L1TD1: variants seen among roughly 807,000 people sequenced by gnomAD.
The protein encoded by L1TD1 is LINE1 type transposase domain containing 1.
Under a neutral mutation model 25.7 loss-of-function variants are expected in L1TD1, and 26 were observed. The observed-to-expected ratio is 1.01, with a 90% CI of 0.74 to 1.40. The LOEUF is 1.40. Among genes scored for constraint, L1TD1 ranks in the 40% most tolerant of loss-of-function variants. L1TD1 has a pLI of 0.00. For missense variants in L1TD1, 1,130 were observed against 975.0 expected (o/e 1.16, Z -2.12); for synonymous variants, 421 against 335.6 (o/e 1.25, Z -2.78).
In L1TD1 at chr1:62,205,437, A is replaced by ATT. The variant is rs1169759217; in HGVS notation, c.-110-1081_-110-1080insTT. On this transcript the variant is annotated intron_variant, in intron 2 of 3. Coordinates refer to ENST00000498273, the MANE Select transcript of L1TD1 (RefSeq NM_019079.5). ...TCTCTCTATATATATATATATATATATATATATTTTTTTTTAGACAGTCTT... is the reference window on the plus strand; with the variant it reads ...TCTCTCTATATATATATATATATATATTTATATATTTTTTTTTAGACAGTCTT... Among the ~76,000 whole-genome samples the ATT allele has an allele frequency of 4.9e-4, 21 of 42,462 alleles. 2 individuals are homozygous for ATT. Among genetic ancestry groups the ATT allele is most frequent in the African/African-American group, 1.9e-3 (21 of 10,820 alleles). 27.9% of individuals were successfully genotyped at this position (42,462 alleles called of 152,430 possible).
At chr1:62,197,402 T>TATATATATATATATAG (rs1670564262) in intron 2 of L1TD1, among the ~76,000 whole-genome samples, 1 of 12,166 alleles carries the variant, frequency 8.2e-5, no homozygotes, top group Non-Finnish European at 1.8e-4. Context: ...ATAAATTATA[T>TATATATATATATATAG]ATATATATAT....
Position 62,211,016 on chromosome 1 carries a change from A to G in L1TD1, c.2242A>G (p.Ser748Gly), listed in dbSNP as rs143392275. 244 of 1,546,722 alleles carry G rather than the reference A, an allele frequency of 1.6e-4. No homozygotes were observed. The African/African-American group carries it at 2.9e-3, about 18-fold the overall frequency. ...LEIVSACRVPSKIDEKRLTPR... is the reference protein window; with the variant it reads ...LEIVSACRVPGKIDEKRLTPR... Reference sequence around the variant, plus strand: ...GATTGTCAGTGCTTGTCGAGTACCTAGTAAAATTGATGAAAAGAGACTGAC... The same window carrying G: ...GATTGTCAGTGCTTGTCGAGTACCTGGTAAAATTGATGAAAAGAGACTGAC... Residue 748 changes from serine (S) to glycine (G), a missense_variant, in exon 4 of 4, where the codon AGT becomes GGT. Physicochemically the swap from Ser to Gly is moderately conservative, Grantham distance 56. Transcript: ENST00000498273.
intron 2 of L1TD1, among the ~76,000 whole-genome samples, chr1:62,204,310 T>C (rs1351964007): frequency 1.3e-5 from 2 of 152,180 alleles, no homozygotes; most frequent in African/African-American, 4.8e-5. Flanking sequence ...TTATTCTTTC[T>C]AGAAAATTCT....
Position 62,212,082 on chromosome 1 carries a change from G to C in L1TD1, c.*710G>C, listed in dbSNP as rs1031333307. 7 of 152,202 alleles carry C rather than the reference G, an allele frequency of 4.6e-5. No individual in the cohort carries two copies. Among genetic ancestry groups the C allele is most frequent in the Admixed American group, 2.0e-4 (3 of 15,256 alleles). 9.4% of individuals were successfully genotyped at this position (152,202 alleles called of 1,614,324 possible). A position where few individuals can be genotyped will look rare whatever the true frequency, so the allele number is the denominator to read the frequency against. On this transcript the variant is annotated 3_prime_UTR_variant, in exon 4 of 4. Coordinates refer to ENST00000498273, the MANE Select transcript of L1TD1 (RefSeq NM_019079.5). ...AGGAAAACAGGAGGGGACAGTAACAGAAAAGCACGGGAAAAGATGGCAAGG... is the reference window on the plus strand; with the variant it reads ...AGGAAAACAGGAGGGGACAGTAACACAAAAGCACGGGAAAAGATGGCAAGG...
intron 3 of L1TD1, chr1:62,208,266 C>T (rs554862529): frequency 4.2e-4 from 65 of 152,970 alleles, no homozygotes; most frequent in Non-Finnish European, 7.5e-4. Flanking sequence ...CCTTGAACAA[C>T]TCCGTGGTGT....
chr1:62,207,231 G>C lies in L1TD1; in HGVS notation c.603G>C (p.Lys201Asn). ...AATTTACAGAAAGAGAGAGTAGGAA[G>C]GATGGAGAGGATGAATTTGTCAAAG... is the stretch of plus-strand genomic sequence containing the variant. ...HLEFTERESR[K>N]DGEDEFVKEM... The change falls in exon 3 of 4, where the codon AAG becomes AAC. Residue 201 changes from lysine to asparagine, a missense_variant. Transcript: ENST00000498273. 2 of 1,551,546 alleles carry C rather than the reference G, an allele frequency of 1.3e-6. No individual in the cohort carries two copies. The highest frequency in any genetic ancestry group is 1.7e-6 in the Non-Finnish European group (2 of 1,146,976).
chr1:62,196,070 G>A (rs1348350289), intron 1 of L1TD1, among the ~76,000 whole-genome samples: 8 of 151,990 alleles, frequency 5.3e-5, no homozygotes, highest in Non-Finnish European at 8.8e-5. Context: ...TATGTGACTG[G>A]AAAAATTGAT....
intron 2 of L1TD1, among the ~76,000 whole-genome samples, chr1:62,201,936 A>C (rs1374450398): frequency 6.6e-6 from 1 of 152,060 alleles, no homozygotes; most frequent in African/African-American, 2.4e-5. Flanking sequence ...CCGGTGGACT[A>C]TTTGGTTGCT....
At chr1:62,207,901 G>C (rs892268403) in intron 3 of L1TD1, among the ~76,000 whole-genome samples, 3 of 152,090 alleles carry the variant, frequency 2.0e-5, no homozygotes, top group East Asian at 3.9e-4. Flanking sequence ...CAGTAGAGAC[G>C]GGGTTTCTCC....
chr1:62,210,493 A>G lies in L1TD1; in HGVS notation c.1719A>G (p.Ser573=), dbSNP rs559373020. 465 of 1,614,088 alleles carry G rather than the reference A, an allele frequency of 2.9e-4. 6 individuals are homozygous for G. The South Asian group carries it at 4.8e-3, about 17-fold the overall frequency. The change falls in exon 4 of 4, where the codon TCA becomes TCG. Residue 573 remains serine, a synonymous_variant. Coordinates refer to ENST00000498273, the MANE Select transcript of L1TD1 (RefSeq NM_019079.5). ...GTCATGATGAGCATAAAAAGCATTC[A>G]CATACAAATTTGAGTATTTCAACAG... The part of the protein sequence containing the change: ...EMSHDEHKKH[S]HTNLSISTGV...
At position 62,207,625 on chromosome 1, in the gene L1TD1, C is replaced by A. The variant is rs1557445543; in HGVS notation, c.997C>A (p.Gln333Lys). 1.5e-5 allele frequency: 23 copies of A among 1,522,494 alleles called. No homozygotes were observed. The highest frequency in any genetic ancestry group is 1.7e-4 in the Middle Eastern group (1 of 5,778). 94.3% of individuals were successfully genotyped at this position (1,522,494 alleles called of 1,614,324 possible). A position where few individuals can be genotyped will look rare whatever the true frequency, so the allele number is the denominator to read the frequency against. Residue 333 changes from glutamine to lysine, a missense_variant, in exon 3 of 4, where the codon CAA becomes AAA. By Grantham distance (53) the Gln-to-Lys change is moderately conservative. Coordinates refer to ENST00000498273, the MANE Select transcript of L1TD1 (RefSeq NM_019079.5). ...TCAAGGAGGAAGAAAATATGGAATT[C>A]AAGAAAAAAGGGTAAGCATACAAAT... ...INQGGRKYGI[Q>K]EKRDKTLIDS...
chr1:62,199,550 C>A (rs796162918), intron 2 of L1TD1, among the ~76,000 whole-genome samples: 1 of 151,276 alleles, frequency 6.6e-6, no homozygotes, highest in Non-Finnish European at 1.5e-5. Flanking sequence ...ATAATAAATC[C>A]CACCGTGCCC....
Position 62,207,271 on chromosome 1 carries a change from A to G in L1TD1, c.643A>G (p.Arg215Gly), listed in dbSNP as rs1317815054. The G allele has an allele frequency of 6.4e-7, 1 of 1,550,870 alleles. No individual in the cohort carries two copies. Among genetic ancestry groups the G allele is most frequent in the Admixed American group, 2.0e-5 (1 of 50,798 alleles). ...ATTTGTCAAAGAAATGAGAGAGGAAAGAAAATTTCAGAAATTGAAGAATAA... is the reference window on the plus strand; with the variant it reads ...ATTTGTCAAAGAAATGAGAGAGGAAGGAAAATTTCAGAAATTGAAGAATAA... ...DEFVKEMREE[R>G]KFQKLKNKEE... The change falls in exon 3 of 4, where the codon AGA (arginine) becomes GGA (glycine). Residue 215 changes from arginine (R) to glycine (G), a missense_variant. Physicochemically the swap from Arg to Gly is moderately radical, Grantham distance 125. Transcript: ENST00000498273.
At chr1:62,199,129 C>T (rs1670596149) in intron 2 of L1TD1, among the ~76,000 whole-genome samples, 1 of 152,156 alleles carries the variant, frequency 6.6e-6, no homozygotes, top group Non-Finnish European at 1.5e-5. Context: ...GGCTAGAATT[C>T]AGAGTATCTG....
rs1015753153 is a variant in L1TD1 at position 62,211,010 on chromosome 1, G to T, written c.2236G>T (p.Val746Leu). Residue 746 changes from valine (V) to leucine (L), a missense_variant, in exon 4 of 4, where the codon GTA becomes TTA. Val to Leu is a conservative substitution (Grantham distance 32). Coordinates refer to ENST00000498273, the MANE Select transcript of L1TD1 (RefSeq NM_019079.5). ...TCTTGAGATTGTCAGTGCTTGTCGA[G>T]TACCTAGTAAAATTGATGAAAAGAG... is the stretch of plus-strand genomic sequence containing the variant. ...SSLEIVSACR[V>L]PSKIDEKRLT... 3 of 1,546,518 alleles carry T rather than the reference G, an allele frequency of 1.9e-6. No homozygotes were observed. In the African/African-American group the frequency reaches 4.1e-5, roughly 21 times the overall value.
chr1:62,211,140 G>C lies in L1TD1; in HGVS notation c.2366G>C (p.Arg789Thr). Residue 789 changes from arginine (R) to threonine (T), a missense_variant, in exon 4 of 4, where the codon AGA becomes ACA. Arg to Thr is a moderately conservative substitution (Grantham distance 71). Coordinates refer to ENST00000498273, the MANE Select transcript of L1TD1 (RefSeq NM_019079.5). Reference sequence around the variant, plus strand: ...AGAGAAATTACCTACCAAGGAACAAGAATCAGGTTGACAGCAGACTTATCA... The same window carrying C: ...AGAGAAATTACCTACCAAGGAACAACAATCAGGTTGACAGCAGACTTATCA... ...ERREITYQGT[R>T]IRLTADLSLD... The C allele has an allele frequency of 6.5e-7, 1 of 1,549,844 alleles. No homozygotes were observed. The highest frequency in any genetic ancestry group is 8.7e-7 in the Non-Finnish European group (1 of 1,146,572).
rs1313647877 is a variant in L1TD1 at position 62,206,660 on chromosome 1, A to G, written c.32A>G (p.Lys11Arg). The G allele has an allele frequency of 1.3e-6, 2 of 1,546,518 alleles. No homozygotes were observed. The highest frequency in any genetic ancestry group is 4.0e-5 in the Admixed American group (2 of 49,550). The change falls in exon 3 of 4, where the codon AAA (lysine) becomes AGA (arginine). Residue 11 changes from lysine (K) to arginine (R), a missense_variant. Physicochemically the swap from Lys to Arg is conservative, Grantham distance 26. Coordinates refer to ENST00000498273, the MANE Select transcript of L1TD1 (RefSeq NM_019079.5). MSDVSTSVQS[K>R]FARLAKKKEN... ...GATGTATCTACTAGTGTACAATCAA[A>G]ATTTGCTAGACTTGCAAAGAAAAAG... is the stretch of plus-strand genomic sequence containing the variant.
Position 62,207,578 on chromosome 1 carries a change from TC to T in L1TD1, c.953del (p.Pro318HisfsTer6). The T allele has an allele frequency of 6.5e-7, 1 of 1,547,816 alleles. No individual in the cohort carries two copies. Among genetic ancestry groups the T allele is most frequent in the Non-Finnish European group, 8.7e-7 (1 of 1,146,034 alleles). On this transcript the variant is annotated frameshift_variant, in exon 3 of 4. Coordinates refer to ENST00000498273, the MANE Select transcript of L1TD1 (RefSeq NM_019079.5). LOFTEE classifies it high-confidence loss of function. ...GTGAAAGAATTACTGAAAGATGTAC[TC>T]CCACAAAAGGAAGAAATAAATCAAG... Reference protein sequence around the residue: ...SSVKELLKDVLPQKEEINQGG... With the variant: ...SSVKELLKDVXPQKEEINQGG...
chr1:62,206,748 A>ATTAGAT lies in L1TD1; in HGVS notation c.124_129dup (p.Asp42_Leu43dup). ...AAACTGATAAGGACATAGCTCCGGTATTAGATTTAAAATGCAAGGACGTAT... is the reference window on the plus strand; with the variant it reads ...AAACTGATAAGGACATAGCTCCGGTATTAGATTTAGATTTAAAATGCAAGGACGTAT... On this transcript the variant is annotated inframe_insertion, in exon 3 of 4. Coordinates refer to ENST00000498273, the MANE Select transcript of L1TD1 (RefSeq NM_019079.5). 6.4e-7 allele frequency: 1 copy of ATTAGAT among 1,552,938 alleles called. No individual in the cohort carries two copies. Among genetic ancestry groups the ATTAGAT allele is most frequent in the Non-Finnish European group, 8.7e-7 (1 of 1,147,456 alleles).
Sources: gnomAD v4.1 joint callset for allele counts (sites outside exome capture counted in the v4.1 genomes callset) on GRCh38, gnomAD v4.1.1 for gene constraint, MANE v1.5 for transcripts, NCBI Gene and HGNC (gene_info 2026-07-23, HGNC 2026-07-21) for gene names.